Variants in RFX3 observed in about 807,000 individuals in gnomAD.
The protein encoded by RFX3 is regulatory factor X3.
A neutral mutation model predicts 98.6 loss-of-function variants in RFX3; 14 were observed. That is an observed-to-expected ratio of 0.14 (90% CI 0.09 to 0.22). The LOEUF is 0.22. Among genes scored for constraint, RFX3 ranks in the 10% least tolerant of loss-of-function variants. The pLI is 1.00. For missense variants in RFX3, 639 were observed against 926.9 expected (o/e 0.69, Z 4.03); for synonymous variants, 383 against 328.4 (o/e 1.17, Z -1.80).
intron 2 of RFX3, among the ~76,000 whole-genome samples, chr9:3,351,111 T>A (rs945029866): frequency 4.6e-5 from 7 of 151,934 alleles, no homozygotes; most frequent in Non-Finnish European, 7.4e-5. Flanking sequence ...TAATGATGTG[T>A]CAATGTAGGT....
intron 15 of RFX3, among the ~76,000 whole-genome samples, chr9:3,244,517 T>C (rs1820379739): frequency 6.6e-6 from 1 of 152,204 alleles, no homozygotes; most frequent in Admixed American, 6.5e-5. Flanking sequence ...GTCTCCCTGG[T>C]GCTTGAACGT....
Position 3,399,486 on chromosome 9 carries a change from G to C in RFX3, c.-8-3890C>G, listed in dbSNP as rs1453295879. Among the ~76,000 whole-genome samples, 4 of 151,840 alleles carry C rather than the reference G, an allele frequency of 2.6e-5. No homozygotes were observed. In the East Asian group the frequency reaches 7.7e-4, roughly 29 times the overall value. ...AAGAAACAAATTTCCAGAATTTCTT[G>C]AAACATCTGAAAATTTTAAAGAGGT... On this transcript the variant is annotated intron_variant, in intron 1 of 16. Coordinates refer to ENST00000617270, the MANE Select transcript of RFX3 (RefSeq NM_001282116.2).
chr9:3,419,682 G>C (rs1843280899), intron 1 of RFX3, among the ~76,000 whole-genome samples: 1 of 152,136 alleles, frequency 6.6e-6, no homozygotes, highest in African/African-American at 2.4e-5. Flanking sequence ...ATCCCCTGAG[G>C]ATACAAAGAT....
intron 1 of RFX3, among the ~76,000 whole-genome samples, chr9:3,524,305 T>C (rs1015891698): frequency 2.6e-5 from 4 of 152,122 alleles, no homozygotes; most frequent in African/African-American, 9.7e-5. Context: ...GACTAATAAG[T>C]ATTCAAATCT....
intron 1 of RFX3, among the ~76,000 whole-genome samples, chr9:3,480,813 G>C (rs1057102591): frequency 1.4e-5 from 2 of 146,888 alleles, no homozygotes; most frequent in African/African-American, 5.3e-5. Context: ...GCCTGTCTTA[G>C]AGGAACGCTG....
chr9:3,510,251 T>G (rs541555214), intron 1 of RFX3, among the ~76,000 whole-genome samples: 34 of 151,734 alleles, frequency 2.2e-4, no homozygotes, highest in African/African-American at 7.2e-4. Context: ...CACAGGGGAT[T>G]TGAAGTTCCA....
intron 2 of RFX3, among the ~76,000 whole-genome samples, chr9:3,389,055 C>T (rs1302545773): frequency 6.6e-6 from 1 of 152,034 alleles, no homozygotes; most frequent in East Asian, 1.9e-4. Flanking sequence ...TAGAAATTAT[C>T]CTCAATGTTA....
Position 3,266,622 on chromosome 9 carries a change from A to T in RFX3, c.1358-317T>A, listed in dbSNP as rs551864556. 2.6e-5 allele frequency among the ~76,000 whole-genome samples: 4 copies of T among 152,110 alleles called. No homozygotes were observed. The East Asian group carries it at 7.7e-4, about 29-fold the overall frequency. ...ATACTTAAAGAATTTTCTTGCTTGG[A>T]AAAAAACACTCCTTTCATTAACAGT... is the stretch of plus-strand genomic sequence containing the variant. On this transcript the variant is annotated intron_variant, in intron 11 of 16. Coordinates refer to ENST00000617270, the MANE Select transcript of RFX3 (RefSeq NM_001282116.2).
At chr9:3,462,691 T>A (rs191669348) in intron 1 of RFX3, among the ~76,000 whole-genome samples, 19 of 152,230 alleles carry the variant, frequency 1.2e-4, no homozygotes, top group African/African-American at 4.3e-4. Flanking sequence ...GTGCATTTAG[T>A]AACATTACAG....
At chr9:3,467,190 A>G (rs567561631) in intron 1 of RFX3, among the ~76,000 whole-genome samples, 120 of 141,816 alleles carry the variant, frequency 8.5e-4, no homozygotes, top group African/African-American at 1.9e-3. Context: ...ATGTATATAC[A>G]TATATAATGT....
At position 3,361,119 on chromosome 9, in the gene RFX3, A is replaced by G. The variant is rs371257781; in HGVS notation, c.118-14355T>C. Among the ~76,000 whole-genome samples the G allele has an allele frequency of 2.2e-4, 33 of 152,322 alleles. No homozygotes were observed. The East Asian group carries it at 4.0e-3, about 19-fold the overall frequency. ...GGAGAGCTCTTAGCAGATTAAAAACATGGGATATTAGAACAGTTACGGTAG... is the reference window on the plus strand; with the variant it reads ...GGAGAGCTCTTAGCAGATTAAAAACGTGGGATATTAGAACAGTTACGGTAG... On this transcript the variant is annotated intron_variant, in intron 2 of 16. Transcript: ENST00000617270.
chr9:3,340,366 C>T (rs1833732703), intron 3 of RFX3, among the ~76,000 whole-genome samples: 1 of 152,142 alleles, frequency 6.6e-6, no homozygotes, highest in Admixed American at 6.5e-5. Flanking sequence ...GTCTAAAACA[C>T]CAAAAGCAAT....
At chr9:3,372,072 G>A (rs1297040348) in intron 2 of RFX3, among the ~76,000 whole-genome samples, 1 of 152,134 alleles carries the variant, frequency 6.6e-6, no homozygotes, top group Non-Finnish European at 1.5e-5. Flanking sequence ...TACCTCTTCA[G>A]TGTACACCGG....
intron 2 of RFX3, among the ~76,000 whole-genome samples, chr9:3,376,736 C>A (rs1231472290): frequency 6.6e-6 from 1 of 151,970 alleles, no homozygotes; most frequent in Non-Finnish European, 1.5e-5. Context: ...TGAACTCAAA[C>A]AAATTTACAA....
At position 3,247,910 on chromosome 9, in the gene RFX3, C is replaced by G. The variant is rs1182856105; in HGVS notation, c.1968+122G>C. On this transcript the variant is annotated intron_variant, in intron 15 of 16. Coordinates refer to ENST00000617270, the MANE Select transcript of RFX3 (RefSeq NM_001282116.2). The stretch of plus-strand genomic sequence containing the variant: ...TCTTGCAATAACTCCACAGTCCCTC[C>G]TGGCTCTGAGGCTGACTTGGTTAGG... 3 of 1,611,810 alleles carry G rather than the reference C, an allele frequency of 1.9e-6. No individual in the cohort carries two copies. The East Asian group carries it at 6.7e-5, about 36-fold the overall frequency.
intron 4 of RFX3, among the ~76,000 whole-genome samples, chr9:3,304,726 C>T (rs1001085043): frequency 5.3e-5 from 8 of 152,022 alleles, no homozygotes; most frequent in African/African-American, 1.9e-4. Context: ...TTGCCTTCTG[C>T]CATGATTGTG....
At chr9:3,444,951 G>C (rs1304494181) in intron 1 of RFX3, among the ~76,000 whole-genome samples, 1 of 152,174 alleles carries the variant, frequency 6.6e-6, no homozygotes, top group Admixed American at 6.5e-5. Context: ...TCCTATGTGG[G>C]ATAGGAGACA....
chr9:3,376,493 C>T (rs1227471506), intron 2 of RFX3, among the ~76,000 whole-genome samples: 1 of 152,144 alleles, frequency 6.6e-6, no homozygotes, highest in Non-Finnish European at 1.5e-5. Context: ...ACCTCTCATA[C>T]ACACAATAAC....
intron 1 of RFX3, among the ~76,000 whole-genome samples, chr9:3,489,979 C>T (rs1850611164): frequency 6.6e-6 from 1 of 152,006 alleles, no homozygotes; most frequent in South Asian, 2.1e-4. Flanking sequence ...GAATTCTCTT[C>T]TGGTTTTTAC....
Sources: gnomAD v4.1 joint callset for allele counts (sites outside exome capture counted in the v4.1 genomes callset) on GRCh38, gnomAD v4.1.1 for gene constraint, MANE v1.5 for transcripts, NCBI Gene and HGNC (gene_info 2026-07-23, HGNC 2026-07-21) for gene names.